The following CDCA5 variants were observed in gnomAD, a reference collection of about 807,000 sequenced individuals.
The protein encoded by CDCA5 is sororin.
Under a neutral mutation model 25.7 loss-of-function variants are expected in CDCA5, and 14 were observed. That is an observed-to-expected ratio of 0.54 (90% CI 0.36 to 0.85). The LOEUF is 0.85. Ranked by LOEUF, CDCA5 falls within the 40% of genes least tolerant of loss-of-function variation. The probability of loss-of-function intolerance (pLI) is 0.01; values close to 1 mark genes in which losing one functional copy is unlikely to be tolerated. For synonymous variants in CDCA5, 127 were observed against 128.7 expected, an observed-to-expected ratio of 0.99 and a Z score of 0.09; for missense variants, 307 against 324.5, an observed-to-expected ratio of 0.95 and a Z score of 0.41.
intron 1 of CDCA5, among the ~76,000 whole-genome samples, chr11:65,069,215 G>A (rs1277581274): frequency 6.8e-6 from 1 of 146,918 alleles, no homozygotes; most frequent in African/African-American, 2.5e-5. Flanking sequence ...ACTCCAGCCT[G>A]GGCTTCAGAG....
At chr11:65,074,364 C>T (rs566090415), downstream of CDCA5, among the ~76,000 whole-genome samples, 7 of 152,276 alleles carry the variant, frequency 4.6e-5, no homozygotes, top group Non-Finnish European at 8.8e-5. Flanking sequence ...TGAGCCACCG[C>T]GCCTGGCCCA....
chr11:65,079,444 G>A lies in CDCA5; in HGVS notation c.587C>T (p.Ala196Val). The A allele has an allele frequency of 6.2e-7, 1 of 1,614,046 alleles. No individual in the cohort carries two copies. Among genetic ancestry groups the A allele is most frequent in the South Asian group, 1.1e-5 (1 of 91,064 alleles). Residue 196 changes from alanine to valine, a missense_variant, in exon 5 of 6, where the codon GCA becomes GTA. Coordinates refer to ENST00000275517, the MANE Select transcript of CDCA5 (RefSeq NM_080668.4). ...SKLTEVPRVC[A>V]KPWAPDMTLP... Reference sequence around the variant, plus strand: ...AGTCATGTCTGGGGCCCAGGGCTTTGCACAAACCCTGGGGACCTCGGTGAG... The same window carrying A: ...AGTCATGTCTGGGGCCCAGGGCTTTACACAAACCCTGGGGACCTCGGTGAG...
At chr11:65,072,661 A>G (rs1947362594), downstream of CDCA5, among the ~76,000 whole-genome samples, 1 of 152,204 alleles carries the variant, frequency 6.6e-6, no homozygotes, top group Non-Finnish European at 1.5e-5. Flanking sequence ...ACACCTGCCC[A>G]GGCTGGTGGG....
chr11:65,068,513 T>A (rs375114940), exon 2 of CDCA5: 7 of 1,289,366 alleles, frequency 5.4e-6, no homozygotes, highest in Middle Eastern at 4.3e-4. Context: ...CTCGGAAGCC[T>A]GAGGGCCCTT....
downstream of CDCA5, among the ~76,000 whole-genome samples, chr11:65,066,099 A>C (rs561552869): frequency 6.6e-6 from 1 of 151,982 alleles, no homozygotes; most frequent in Non-Finnish European, 1.5e-5. Flanking sequence ...CTCCAGGCTG[A>C]CAACAACCAG....
downstream of CDCA5, among the ~76,000 whole-genome samples, chr11:65,072,714 G>A (rs138407848): frequency 6.1e-3 from 923 of 152,222 alleles, 13 homozygotes; most frequent in African/African-American, 0.021. Flanking sequence ...CTGGACACTG[G>A]GGGGACAGAG....
Position 65,084,004 on chromosome 11 carries a change from C to T in CDCA5, c.-26G>A, listed in dbSNP as rs767802234. The T allele has an allele frequency of 1.3e-6, 2 of 1,598,634 alleles. No homozygotes were observed. The highest frequency in any genetic ancestry group is 4.5e-5 in the East Asian group (2 of 44,658). On this transcript the variant is annotated 5_prime_UTR_variant, in exon 1 of 6. Transcript: ENST00000275517. ...AACTTAGGCTCCGTCTCGAGCTCCT[C>T]CAGCGCCGCCGCCCCGGGCGCGCGC...
intron 4 of CDCA5, among the ~76,000 whole-genome samples, chr11:65,067,094 CTAAT>C (rs1319013354): frequency 6.6e-6 from 1 of 152,210 alleles, no homozygotes; most frequent in Non-Finnish European, 1.5e-5. Context: ...GAGAGAGAGA[CTAAT>C]TATGCTTTTT....
chr11:65,083,885 G>A (rs1488551039), intron 1 of CDCA5, 48 bp downstream of exon 1: 35 of 1,607,706 alleles, frequency 2.2e-5, no homozygotes, highest in Non-Finnish European at 2.8e-5. Context: ...ACCGGACTGC[G>A]TCCCCCAAAC....
chr11:65,075,676 G>A (rs1456628458), downstream of CDCA5, among the ~76,000 whole-genome samples: 5 of 152,210 alleles, frequency 3.3e-5, no homozygotes, highest in Non-Finnish European at 7.3e-5. Flanking sequence ...GAGAACACAG[G>A]AGTAGGCAAG....
Position 65,079,673 on chromosome 11 carries a change from G to A in CDCA5, c.358C>T (p.Pro120Ser). The A allele has an allele frequency of 6.2e-7, 1 of 1,600,782 alleles. No homozygotes were observed. Among genetic ancestry groups the A allele is most frequent in the Non-Finnish European group, 8.5e-7 (1 of 1,172,394 alleles). ...TCCTTGGAGCTGGACTCGGCCTCAG[G>A]GTTCGGCACAGGAGTGCTGGTGGGG... ...ATPTSTPVPN[P>S]EAESSSKEGE... Residue 120 changes from proline (P) to serine (S), a missense_variant, in exon 5 of 6, where the codon CCT becomes TCT. Pro to Ser is a moderately conservative substitution (Grantham distance 74). Coordinates refer to ENST00000275517, the MANE Select transcript of CDCA5 (RefSeq NM_080668.4).
chr11:65,061,503 G>A (rs4258384), downstream of CDCA5, among the ~76,000 whole-genome samples: 43,238 of 152,032 alleles, frequency 0.28, 6,654 homozygotes, highest in East Asian at 0.65. Flanking sequence ...GGCCAGGCGC[G>A]GTGGCTCACG....
intron 1 of CDCA5, 41 bp from the exon 2 acceptor site, chr11:65,083,764 G>C: frequency 6.4e-7 from 1 of 1,574,364 alleles, no homozygotes; most frequent in Non-Finnish European, 8.7e-7. Flanking sequence ...GAGGACTCTA[G>C]ACCTTAGAGT....
chr11:65,073,186 C>A (rs1947374688), downstream of CDCA5, among the ~76,000 whole-genome samples: 1 of 151,944 alleles, frequency 6.6e-6, no homozygotes, highest in Non-Finnish European at 1.5e-5. Flanking sequence ...CTCAAGTAAT[C>A]CAACCACCTC....
rs745908491 is a variant in CDCA5 at position 65,077,941 on chromosome 11, G to A, written c.*1166C>T. On this transcript the variant is annotated 3_prime_UTR_variant, in exon 6 of 6. Transcript: ENST00000275517. ...TGGCCAGGGGTGCGGCAGGAGAGTC[G>A]GGGGCAGGGCAGCCTTCAAATCCAC... 161 of 985,352 alleles carry A rather than the reference G, an allele frequency of 1.6e-4. No individual in the cohort carries two copies. The highest frequency in any genetic ancestry group is 1.7e-4 in the Non-Finnish European group (141 of 830,046). The allele number at this position is 985,352 out of a possible 1,614,324, so 61.0% of individuals were successfully genotyped here. A position where few individuals can be genotyped will look rare whatever the true frequency, so the allele number is the denominator to read the frequency against.
At chr11:65,062,893 C>T (rs1286642569), downstream of CDCA5, among the ~76,000 whole-genome samples, 2 of 152,200 alleles carry the variant, frequency 1.3e-5, no homozygotes, top group African/African-American at 4.8e-5. Flanking sequence ...TGCTGCCCCT[C>T]CCAGAGCGTA....
At chr11:65,062,405 G>A (rs1303239017), downstream of CDCA5, among the ~76,000 whole-genome samples, 1 of 152,128 alleles carries the variant, frequency 6.6e-6, no homozygotes, top group Non-Finnish European at 1.5e-5. Context: ...AGCCCTTCAT[G>A]TCTCAGACCC....
chr11:65,077,454 G>C lies in CDCA5; in HGVS notation c.*1653C>G. On this transcript the variant is annotated 3_prime_UTR_variant, in exon 6 of 6. Transcript: ENST00000275517. ...ACTCAATAAAAGAAACACAGTCCAT[G>C]AACAGGCAGAAACTCTTTAATCAGG... 3 of 985,370 alleles carry C rather than the reference G, an allele frequency of 3.0e-6. No individual in the cohort carries two copies. Among genetic ancestry groups the C allele is most frequent in the Non-Finnish European group, 3.6e-6 (3 of 829,874 alleles). 61.0% of individuals were successfully genotyped at this position (985,370 alleles called of 1,614,324 possible).
chr11:65,068,133 C>A (rs996081386), intron 2 of CDCA5: 30 of 1,284,244 alleles, frequency 2.3e-5, no homozygotes, highest in Non-Finnish European at 2.8e-5. Flanking sequence ...GCAGAGAAAG[C>A]GCCAAGGTGA....
Sources: gnomAD v4.1 joint callset for allele counts (sites outside exome capture counted in the v4.1 genomes callset) on GRCh38, gnomAD v4.1.1 for gene constraint, MANE v1.5 for transcripts, NCBI Gene and HGNC (gene_info 2026-07-23, HGNC 2026-07-21) for gene names.